LZIC: variants seen among roughly 807,000 people sequenced by gnomAD.
LZIC encodes leucine zipper and CTNNBIP1 domain containing.
LZIC carries 28 observed loss-of-function variants against 25.4 expected under a neutral mutation model. The ratio of observed to expected loss-of-function variants is 1.10; its 90% CI spans 0.82 to 1.51. The LOEUF is 1.51. LZIC is among the 40% of genes most tolerant of loss of function. The probability of loss-of-function intolerance (pLI) is 0.00; values close to 1 mark genes in which losing one functional copy is unlikely to be tolerated. For synonymous variants in LZIC, 65 were observed against 70.7 expected (o/e 0.92, Z 0.40); for missense variants, 170 against 211.1 (o/e 0.81, Z 1.21).
intron 1 of LZIC, chr1:9,943,015 G>T (rs1557449669): frequency 3.1e-6 from 1 of 327,424 alleles, no homozygotes; most frequent in African/African-American, 2.2e-5. Context: ...AAACCCAGAG[G>T]CTTGGAAAAG....
At chr1:9,931,637 C>A (rs1309033146) in intron 7 of LZIC, among the ~76,000 whole-genome samples, 1 of 152,174 alleles carries the variant, frequency 6.6e-6, no homozygotes, top group Non-Finnish European at 1.5e-5. Flanking sequence ...CTCCTGGCCT[C>A]AAGCATATAA....
chr1:9,939,368 T>TGTTTC (rs1553122739), intron 2 of LZIC, among the ~76,000 whole-genome samples: 3 of 50,844 alleles, frequency 5.9e-5, no homozygotes, highest in Non-Finnish European at 2.1e-4. Context: ...GGCTTTTTTT[T>TGTTTC]TTTTCTTTTT....
At chr1:9,942,509 A>G in intron 2 of LZIC, 115 bp downstream of exon 2, 1 of 343,850 alleles carries the variant, frequency 2.9e-6, no homozygotes, top group Non-Finnish European at 5.5e-6. Flanking sequence ...CGAAAGATTA[A>G]CTCGTTGGCA....
At chr1:9,924,800 G>T (rs939045944), downstream of LZIC, among the ~76,000 whole-genome samples, 2 of 152,120 alleles carry the variant, frequency 1.3e-5, no homozygotes, top group African/African-American at 4.8e-5. Context: ...TAGTAGTAAA[G>T]AATAGCCTCG....
rs1049221600 is a variant in LZIC at position 9,928,514 on chromosome 1, A to G, written c.*1885T>C. Among the ~76,000 whole-genome samples, 1 of 152,218 alleles carries G rather than the reference A, an allele frequency of 6.6e-6. No individual in the cohort carries two copies. The highest frequency in any genetic ancestry group is 2.4e-5 in the African/African-American group (1 of 41,462). On this transcript the variant is annotated 3_prime_UTR_variant, in exon 8 of 8. Transcript: ENST00000377223. ...GATAAACAAAATATGATATCCATAC[A>G]ATGGAATATTATTTAGCCATAAAAA...
At chr1:9,940,540 A>T (rs1245479149) in intron 2 of LZIC, among the ~76,000 whole-genome samples, 2 of 144,138 alleles carry the variant, frequency 1.4e-5, no homozygotes, top group African/African-American at 5.2e-5. Flanking sequence ...GGATGGTCTC[A>T]ATCTCCTGAC....
downstream of LZIC, among the ~76,000 whole-genome samples, chr1:9,926,189 G>A (rs1639979026): frequency 6.6e-6 from 1 of 152,086 alleles, no homozygotes; most frequent in African/African-American, 2.4e-5. Flanking sequence ...CCTGCCGACA[G>A]TTTTAATTTA....
At chr1:9,942,568 A>G (rs1442191056) in intron 2 of LZIC, 56 bp downstream of exon 2, 3 of 921,576 alleles carry the variant, frequency 3.3e-6, no homozygotes, top group Non-Finnish European at 4.5e-6. Flanking sequence ...TTACGAAACT[A>G]CAGAAACCGC....
At chr1:9,925,343 C>T (rs550604376), downstream of LZIC, among the ~76,000 whole-genome samples, 2 of 151,898 alleles carry the variant, frequency 1.3e-5, no homozygotes, top group East Asian at 1.9e-4. Context: ...AACAAAAAAC[C>T]CTTACCAGCA....
intron 2 of LZIC, among the ~76,000 whole-genome samples, chr1:9,941,500 CTTTTTTT>C (rs1217006418): frequency 7.6e-6 from 1 of 132,450 alleles, no homozygotes; most frequent in Non-Finnish European, 1.6e-5. Context: ...TAGCCTTTAC[CTTTTTTT>C]TTTTTTTTTT....
rs34148395 is a variant in LZIC at position 9,928,866 on chromosome 1, C to CAAAA, written c.*1529_*1532dup. ...GGGCAATAAGAGTAAAACTCTGTCT[C>CAAAA]AAAAAAAAAAAAAAAAAGAAAAGAA... On this transcript the variant is annotated 3_prime_UTR_variant, in exon 8 of 8. Coordinates refer to ENST00000377223, the MANE Select transcript of LZIC (RefSeq NM_032368.5). 5.8e-4 allele frequency: 65 copies of CAAAA among 112,734 alleles called. No homozygotes were observed. Among genetic ancestry groups the CAAAA allele is most frequent in the Middle Eastern group, 7.8e-3 (2 of 256 alleles). 7.0% of individuals were successfully genotyped at this position (112,734 alleles called of 1,614,324 possible).
At chr1:9,938,371 C>T (rs1640550992) in intron 2 of LZIC, among the ~76,000 whole-genome samples, 2 of 152,068 alleles carry the variant, frequency 1.3e-5, no homozygotes, top group South Asian at 4.1e-4. Flanking sequence ...CCCATGTTGC[C>T]CAAGCTGGTC....
intron 1 of LZIC, 181 bp from the exon 2 acceptor site, chr1:9,942,963 G>A (rs1411356779): frequency 2.8e-6 from 1 of 352,454 alleles, no homozygotes; most frequent in Non-Finnish European, 5.6e-6. Context: ...GAGGGTCTTT[G>A]AGGAAAATCC....
intron 2 of LZIC, among the ~76,000 whole-genome samples, chr1:9,938,024 C>G (rs1640537931): frequency 6.6e-6 from 1 of 151,860 alleles, no homozygotes; most frequent in Admixed American, 6.6e-5. Context: ...ATTGGTCTAT[C>G]TTACTCTAAA....
downstream of LZIC, chr1:9,922,423 A>G (rs1639887143): frequency 3.2e-6 from 2 of 630,740 alleles, no homozygotes; most frequent in Non-Finnish European, 3.9e-6. Context: ...TAAAGAATTC[A>G]AAGGCTTTGG....
Position 9,930,232 on chromosome 1 carries a change from G to C in LZIC, c.*167C>G, listed in dbSNP as rs1474066107. 4.0e-6 allele frequency: 6 copies of C among 1,483,860 alleles called. No individual in the cohort carries two copies. 91.9% of individuals were successfully genotyped at this position (1,483,860 alleles called of 1,614,324 possible). ...CAGGTAACCGCACACAACGCACAAT[G>C]ATGAAGAGCATAAACACAAGCCATA... On this transcript the variant is annotated 3_prime_UTR_variant, in exon 8 of 8. Transcript: ENST00000377223.
chr1:9,931,261 TATTC>T (rs1208387629), intron 7 of LZIC, among the ~76,000 whole-genome samples: 1 of 151,958 alleles, frequency 6.6e-6, no homozygotes, highest in Non-Finnish European at 1.5e-5. Context: ...TTTGTTTATT[TATTC>T]ATTTATTTAT....
In LZIC at chr1:9,934,870, CAAG is replaced by C. The variant is rs1640384478; in HGVS notation, c.238-13_238-11del. 1.9e-6 allele frequency: 3 copies of C among 1,606,550 alleles called. No individual in the cohort carries two copies. The highest frequency in any genetic ancestry group is 2.6e-6 in the Non-Finnish European group (3 of 1,173,884). ...TAGCTGCCTGAATAGCCTAGAAACA[CAAG>C]AAGGCAAAAACTAACCAAAATAGTC... On this transcript the variant is annotated splice_polypyrimidine_tract_variant and intron_variant, in intron 4 of 7. Transcript: ENST00000377223.
chr1:9,936,479 C>T lies in LZIC; in HGVS notation c.101+40G>A, dbSNP rs747023388. 32 of 1,422,480 alleles carry T rather than the reference C, an allele frequency of 2.2e-5. No individual in the cohort carries two copies. In the South Asian group the frequency reaches 3.1e-4, roughly 14 times the overall value. The allele number at this position is 1,422,480 out of a possible 1,614,324, so 88.1% of individuals were successfully genotyped here. ...TCCACGGAGCTAGCTGCAGAAAAAA[C>T]GCCAGTTTCCAGCATAACAACATAC... is the stretch of plus-strand genomic sequence containing the variant. On this transcript the variant is annotated intron_variant, in intron 3 of 7. Transcript: ENST00000377223.
Sources: allele counts gnomAD v4.1 joint callset (sites outside exome capture counted in the v4.1 genomes callset), GRCh38; gene constraint gnomAD v4.1.1; transcripts MANE v1.5; gene names NCBI Gene and HGNC (gene_info 2026-07-23, HGNC 2026-07-21).